Variants in DAB1 observed in about 807,000 individuals in gnomAD.
DAB1 encodes disabled homolog 1.
In DAB1, 15 loss-of-function variants were observed where a neutral mutation model predicts 64.6. The observed-to-expected ratio is 0.23, with a 90% CI of 0.16 to 0.36. The LOEUF (loss-of-function observed/expected upper bound fraction) is 0.36. Ranked by LOEUF, DAB1 falls within the 10% of genes least tolerant of loss-of-function variation. The pLI is 1.00. For synonymous variants in DAB1, 235 were observed against 251.9 expected (o/e 0.93, Z 0.64); for missense variants, 596 against 706.7 (o/e 0.84, Z 1.78).
chr1:57,583,268 G>A (rs375046118), intron 7 of DAB1, among the ~76,000 whole-genome samples: 4 of 150,938 alleles, frequency 2.7e-5, no homozygotes, highest in Admixed American at 2.6e-4. Flanking sequence ...TCTGAGCCTC[G>A]GTTTCTTGTT....
chr1:58,385,142 T>C (rs1030883591), intron 3 of DAB1, among the ~76,000 whole-genome samples: 5 of 152,188 alleles, frequency 3.3e-5, no homozygotes, highest in African/African-American at 1.2e-4. Flanking sequence ...AAACTTTTAG[T>C]GGTGATGCAT....
chr1:58,420,597 C>T (rs1029985987), intron 3 of DAB1, among the ~76,000 whole-genome samples: 1 of 152,164 alleles, frequency 6.6e-6, no homozygotes, highest in African/African-American at 2.4e-5. Context: ...TTTTTAGCGC[C>T]TTGCCTTGTA....
chr1:58,379,859 C>T (rs951539660), intron 3 of DAB1, among the ~76,000 whole-genome samples: 1 of 152,196 alleles, frequency 6.6e-6, no homozygotes, highest in Admixed American at 6.5e-5. Flanking sequence ...TTCTCCCCAT[C>T]TTCTTTTTTA....
chr1:57,516,778 T>C (rs1644468538), intron 7 of DAB1, among the ~76,000 whole-genome samples: 1 of 152,194 alleles, frequency 6.6e-6, no homozygotes, highest in Non-Finnish European at 1.5e-5. Flanking sequence ...GCCTTGTTCA[T>C]TGAATAGTTT....
chr1:57,468,268 C>A (rs1337302452), intron 7 of DAB1, among the ~76,000 whole-genome samples: 1 of 152,110 alleles, frequency 6.6e-6, no homozygotes, highest in East Asian at 1.9e-4. Flanking sequence ...GGGGAACATG[C>A]ATGGCTAAAA....
chr1:58,529,848 G>A lies in DAB1; in HGVS notation n.33-2513C>T, dbSNP rs531072425. Among the ~76,000 whole-genome samples, 9 of 152,124 alleles carry A rather than the reference G, an allele frequency of 5.9e-5. No individual in the cohort carries two copies. In the South Asian group the frequency reaches 8.3e-4, roughly 14 times the overall value. The stretch of plus-strand genomic sequence containing the variant: ...TGATTTAAAGTATATGAGAGGATGT[G>A]CATAGTTACATGCAAACACCATGCT... On this transcript the variant is annotated intron_variant and non_coding_transcript_variant, in intron 1 of 20. Transcript: ENST00000485760.
intron 4 of DAB1, among the ~76,000 whole-genome samples, chr1:58,259,809 C>A (rs1661009628): frequency 6.6e-6 from 1 of 152,128 alleles, no homozygotes; most frequent in Admixed American, 6.5e-5. Context: ...ACAGCTTTAT[C>A]CACAAAGAAT....
intron 4 of DAB1, among the ~76,000 whole-genome samples, chr1:57,120,151 T>C (rs1656505102): frequency 6.6e-6 from 1 of 152,180 alleles, no homozygotes. Flanking sequence ...ACACCTGGGT[T>C]TCAAAACTGA....
intron 3 of DAB1, among the ~76,000 whole-genome samples, chr1:58,404,591 G>T (rs1223301230): frequency 6.6e-6 from 1 of 152,134 alleles, no homozygotes; most frequent in Non-Finnish European, 1.5e-5. Context: ...GCCCAGAGCG[G>T]ACTGTTAGGA....
intron 2 of DAB1, among the ~76,000 whole-genome samples, chr1:57,200,886 G>A (rs1307520466): frequency 6.6e-6 from 1 of 152,180 alleles, no homozygotes. Flanking sequence ...AGGAGATGAG[G>A]CAAGTAGTTT....
intron 3 of DAB1, among the ~76,000 whole-genome samples, chr1:58,488,879 T>C (rs1429004323): frequency 6.6e-6 from 1 of 152,254 alleles, no homozygotes; most frequent in East Asian, 1.9e-4. Flanking sequence ...ACATAACATT[T>C]TTATATTATG....
At chr1:58,161,601 T>C (rs1363014461) in intron 4 of DAB1, among the ~76,000 whole-genome samples, 1 of 152,178 alleles carries the variant, frequency 6.6e-6, no homozygotes, top group Non-Finnish European at 1.5e-5. Context: ...TATATGTATA[T>C]GTATATATTT....
At chr1:57,251,238 C>G (rs1182389987) in intron 2 of DAB1, among the ~76,000 whole-genome samples, 1 of 152,150 alleles carries the variant, frequency 6.6e-6, no homozygotes, top group African/African-American at 2.4e-5. Context: ...TGTGAAATTT[C>G]TTTTTAAGTG....
chr1:57,726,098 C>T (rs1424068032), intron 6 of DAB1, among the ~76,000 whole-genome samples: 1 of 152,118 alleles, frequency 6.6e-6, no homozygotes, highest in Non-Finnish European at 1.5e-5. Context: ...CACACCTGGG[C>T]CATGTTCTAG....
chr1:58,415,867 G>A (rs974997014), intron 3 of DAB1, among the ~76,000 whole-genome samples: 10 of 152,294 alleles, frequency 6.6e-5, no homozygotes, highest in Non-Finnish European at 1.2e-4. Flanking sequence ...TGTTGCATTT[G>A]AGCAAGTCGC....
chr1:57,398,807 T>C (rs192404083), intron 1 of DAB1, among the ~76,000 whole-genome samples: 1 of 152,244 alleles, frequency 6.6e-6, no homozygotes, highest in Non-Finnish European at 1.5e-5. Context: ...ACAGCCATAC[T>C]GAAGCTTTGC....
At chr1:58,418,307 T>A (rs1234304257) in intron 3 of DAB1, among the ~76,000 whole-genome samples, 1 of 152,178 alleles carries the variant, frequency 6.6e-6, no homozygotes, top group Non-Finnish European at 1.5e-5. Context: ...ATGATCTCTC[T>A]TGTTAAAATA....
At chr1:57,328,612 G>A (rs1206093213) in intron 1 of DAB1, among the ~76,000 whole-genome samples, 3 of 152,168 alleles carry the variant, frequency 2.0e-5, no homozygotes, top group Admixed American at 6.5e-5. Flanking sequence ...TGGACAGTAA[G>A]ACCTGCATAA....
At chr1:57,108,788 A>T (rs1282231586) in intron 4 of DAB1, among the ~76,000 whole-genome samples, 1 of 152,150 alleles carries the variant, frequency 6.6e-6, no homozygotes, top group Non-Finnish European at 1.5e-5. Flanking sequence ...AGTATCTCCA[A>T]CCGGAAAGGA....
Sources: allele counts gnomAD v4.1 joint callset (sites outside exome capture counted in the v4.1 genomes callset), GRCh38; gene constraint gnomAD v4.1.1; transcripts MANE v1.5; gene names NCBI Gene and HGNC (gene_info 2026-07-23, HGNC 2026-07-21).